Variants in RGS3 observed in about 807,000 individuals in gnomAD.
RGS3 encodes the protein regulator of G protein signaling 3.
A neutral mutation model predicts 132.6 loss-of-function variants in RGS3; 80 were observed. The ratio of observed to expected loss-of-function variants is 0.60; its 90% CI spans 0.50 to 0.73. The LOEUF is 0.73. Ranked by LOEUF, RGS3 falls within the 30% of genes least tolerant of loss-of-function variation. The pLI is 0.00. For synonymous variants in RGS3, 598 were observed against 620.6 expected (o/e 0.96, Z 0.54); for missense variants, 1,382 against 1,530.8 (o/e 0.90, Z 1.62).
intron 11 of RGS3, among the ~76,000 whole-genome samples, 153 bp downstream of exon 9, chr9:113,505,676 A>G (rs1003133642): frequency 3.3e-5 from 5 of 152,232 alleles, no homozygotes; most frequent in African/African-American, 1.2e-4. Context: ...GTGACCGTAG[A>G]TGAAACTGCC....
chr9:113,544,693 G>A (rs1308907025), intron 19 of RGS3, among the ~76,000 whole-genome samples: 2 of 152,196 alleles, frequency 1.3e-5, no homozygotes, highest in African/African-American at 4.8e-5. Flanking sequence ...CAGCAGCCTT[G>A]TTTTATGGAT....
At chr9:113,517,993 A>G (rs189156568) in intron 16 of RGS3, among the ~76,000 whole-genome samples, 2 of 152,170 alleles carry the variant, frequency 1.3e-5, no homozygotes, top group African/African-American at 2.4e-5. Context: ...TTAGACCAGC[A>G]TCAGTTTACC....
At chr9:113,558,099 G>A (rs920920064) in intron 19 of RGS3, among the ~76,000 whole-genome samples, 1 of 152,196 alleles carries the variant, frequency 6.6e-6, no homozygotes, top group Non-Finnish European at 1.5e-5. Flanking sequence ...TAGGGCTGAG[G>A]CACCAGGGAT....
chr9:113,523,131 A>G, intron 17 of RGS3, 90 bp downstream of exon 15: 2 of 825,830 alleles, frequency 2.4e-6, no homozygotes, highest in Non-Finnish European at 2.1e-6. Flanking sequence ...GCTGCCAGTC[A>G]TCCGTAGGGC....
chr9:113,503,819 G>T (rs960853324), intron 10 of RGS3, among the ~76,000 whole-genome samples: 1 of 152,166 alleles, frequency 6.6e-6, no homozygotes, highest in Admixed American at 6.5e-5. Flanking sequence ...GGCTCCTGGC[G>T]TCTTCCCTGG....
chr9:113,584,062 G>C (rs1476529562), exon 20 of RGS3: 1 of 1,614,192 alleles, frequency 6.2e-7, no homozygotes. Flanking sequence ...GGATGCAGAA[G>C]AGGCCGAGGA....
intron 19 of RGS3, chr9:113,542,112 G>T: frequency 6.5e-6 from 1 of 154,160 alleles, no homozygotes; most frequent in South Asian, 2.1e-4. Flanking sequence ...AGTGCTGTGT[G>T]TGGGGGTGGG....
At chr9:113,486,950 A>G (rs1830349149) in intron 7 of RGS3, among the ~76,000 whole-genome samples, 1 of 152,268 alleles carries the variant, frequency 6.6e-6, no homozygotes, top group South Asian at 2.1e-4. Flanking sequence ...CTGGGGATGC[A>G]TGCATAGGGT....
At chr9:113,532,662 C>G (rs1264968195) in intron 18 of RGS3, among the ~76,000 whole-genome samples, 1 of 152,184 alleles carries the variant, frequency 6.6e-6, no homozygotes, top group Non-Finnish European at 1.5e-5. Context: ...TATTACCTTG[C>G]AGTGTCGTTG....
intron 7 of RGS3, among the ~76,000 whole-genome samples, chr9:113,486,219 A>G (rs1830328271): frequency 6.6e-6 from 1 of 152,242 alleles, no homozygotes; most frequent in African/African-American, 2.4e-5. Context: ...CTGTGGTCTG[A>G]GATGATCAAG....
intron 19 of RGS3, among the ~76,000 whole-genome samples, chr9:113,572,604 C>A (rs1834340102): frequency 6.6e-6 from 1 of 152,230 alleles, no homozygotes; most frequent in Admixed American, 6.5e-5. Flanking sequence ...CTGGGGCAGA[C>A]AGATAAGGCA....
chr9:113,479,198 A>G (rs1201248638), intron 3 of RGS3: 4 of 430,744 alleles, frequency 9.3e-6, no homozygotes, highest in Non-Finnish European at 1.7e-5. Context: ...ACGACCCAGC[A>G]GTGAGATTTC....
At chr9:113,571,780 T>A (rs1239740789) in intron 19 of RGS3, among the ~76,000 whole-genome samples, 1 of 152,256 alleles carries the variant, frequency 6.6e-6, no homozygotes, top group Non-Finnish European at 1.5e-5. Context: ...CCTGTTTCTC[T>A]GCTTATTACA....
chr9:113,487,159 C>T (rs935822486), intron 7 of RGS3, among the ~76,000 whole-genome samples: 4 of 143,188 alleles, frequency 2.8e-5, no homozygotes, highest in South Asian at 2.2e-4. Flanking sequence ...GGCCGGACTG[C>T]GGACTGCAGT....
intron 18 of RGS3, among the ~76,000 whole-genome samples, chr9:113,536,101 C>T (rs968332111): frequency 4.6e-5 from 7 of 152,158 alleles, no homozygotes; most frequent in Admixed American, 1.3e-4. Flanking sequence ...GTTGGGGAGA[C>T]GAGACTGTAG....
intron 19 of RGS3, among the ~76,000 whole-genome samples, chr9:113,566,174 A>G (rs927881035): frequency 6.6e-6 from 1 of 152,056 alleles, no homozygotes; most frequent in Non-Finnish European, 1.5e-5. Context: ...CTGGCAGGGG[A>G]AGAGGTGGTC....
chr9:113,446,001 C>T (rs1309901971), intron 1 of RGS3, among the ~76,000 whole-genome samples: 1 of 152,076 alleles, frequency 6.6e-6, no homozygotes, highest in Non-Finnish European at 1.5e-5. Flanking sequence ...ATAGAAAACC[C>T]CTTGGGTTTG....
chr9:113,529,272 C>T lies in RGS3; in HGVS notation c.1914+8C>T, dbSNP rs1181109282. On this transcript the variant is annotated splice_region_variant and intron_variant, in intron 18 of 24. Transcript: ENST00000350696. ...GTGCTCTATCTAGCAGAGGTGAGTC[C>T]TTTCCTCTGGATTTGAGGAGAGAGA... 1.9e-6 allele frequency: 3 copies of T among 1,610,048 alleles called. No homozygotes were observed. The highest frequency in any genetic ancestry group is 2.6e-6 in the Non-Finnish European group (3 of 1,176,388).
intron 19 of RGS3, among the ~76,000 whole-genome samples, chr9:113,551,372 G>A (rs1833333585): frequency 6.6e-6 from 1 of 152,214 alleles, no homozygotes; most frequent in Non-Finnish European, 1.5e-5. Context: ...CCGTTCATCA[G>A]TTAATGGACA....
Sources: gnomAD v4.1 joint callset for allele counts (sites outside exome capture counted in the v4.1 genomes callset) on GRCh38, gnomAD v4.1.1 for gene constraint, MANE v1.5 for transcripts, NCBI Gene and HGNC (gene_info 2026-07-23, HGNC 2026-07-21) for gene names.